The following SGMS1 variants were observed in gnomAD, a reference collection of about 807,000 sequenced individuals.
The protein encoded by SGMS1 is phosphatidylcholine:ceramide cholinephosphotransferase 1.
SGMS1 carries 13 observed loss-of-function variants against 46.2 expected under a neutral mutation model. The ratio of observed to expected loss-of-function variants is 0.28; its 90% CI spans 0.18 to 0.45. SGMS1 has a LOEUF of 0.45. Among genes scored for constraint, SGMS1 ranks in the 20% least tolerant of loss-of-function variants. The pLI, the probability that SGMS1 is intolerant of heterozygous loss-of-function variation, is 1.00. For missense variants in SGMS1, 324 were observed against 519.9 expected (o/e 0.62, Z 3.66); for synonymous variants, 203 against 187.8 (o/e 1.08, Z -0.66).
intron 1 of SGMS1, among the ~76,000 whole-genome samples, chr10:50,606,412 T>C (rs776346605): frequency 2.0e-5 from 3 of 152,172 alleles, no homozygotes; most frequent in African/African-American, 7.2e-5. Context: ...GCACAACAAT[T>C]TGAAGGTACT....
In SGMS1 at chr10:50,306,810, TG is replaced by T. The variant is rs1204681928; in HGVS notation, c.*331del. 1 of 189,576 alleles carries T rather than the reference TG, an allele frequency of 5.3e-6. No individual in the cohort carries two copies. Among genetic ancestry groups the T allele is most frequent in the Non-Finnish European group, 1.1e-5 (1 of 92,920 alleles). The allele number at this position is 189,576 out of a possible 1,614,324, so 11.7% of individuals were successfully genotyped here. Reference sequence around the variant, plus strand: ...AATACGCTTTATTTCCAGATGTGACTGGAAAGACCAGAACTTATGATATAAA... The same window carrying T: ...AATACGCTTTATTTCCAGATGTGACTGAAAGACCAGAACTTATGATATAAA... On this transcript the variant is annotated 3_prime_UTR_variant, in exon 11 of 11. Transcript: ENST00000361781.
intron 3 of SGMS1, among the ~76,000 whole-genome samples, chr10:50,467,748 C>T (rs1265391461): frequency 1.3e-5 from 2 of 152,160 alleles, no homozygotes; most frequent in Non-Finnish European, 2.9e-5. Flanking sequence ...CTAAGAATCC[C>T]TGTATCTGGA....
intron 1 of SGMS1, among the ~76,000 whole-genome samples, chr10:50,616,785 G>A (rs1023526601): frequency 6.6e-6 from 1 of 152,120 alleles, no homozygotes; most frequent in Non-Finnish European, 1.5e-5. Flanking sequence ...TCATGACAGA[G>A]AAAATTTGAA....
chr10:50,574,257 G>T (rs1838360779), intron 2 of SGMS1, among the ~76,000 whole-genome samples: 1 of 151,996 alleles, frequency 6.6e-6, no homozygotes, highest in African/African-American at 2.4e-5. Flanking sequence ...TCTGAAAAAA[G>T]ATTAACATCT....
chr10:50,407,576 T>C (rs1849032803), intron 6 of SGMS1, among the ~76,000 whole-genome samples: 1 of 152,148 alleles, frequency 6.6e-6, no homozygotes, highest in Non-Finnish European at 1.5e-5. Context: ...TGGTAATGAC[T>C]TCCTGCCATT....
intron 2 of SGMS1, among the ~76,000 whole-genome samples, chr10:50,523,338 A>G (rs930293000): frequency 5.9e-5 from 9 of 152,234 alleles, no homozygotes; most frequent in African/African-American, 1.7e-4. Flanking sequence ...AAAGATTTCA[A>G]AGAAACTCAC....
intron 2 of SGMS1, among the ~76,000 whole-genome samples, chr10:50,535,232 A>AAACAAC (rs56048855): frequency 4.7e-4 from 71 of 151,352 alleles, no homozygotes; most frequent in Admixed American, 1.9e-3. Flanking sequence ...GTCCATCTCA[A>AAACAAC]AACAACAACA....
intron 1 of SGMS1, among the ~76,000 whole-genome samples, chr10:50,603,548 A>C (rs1838667809): frequency 6.6e-6 from 1 of 152,202 alleles, no homozygotes; most frequent in African/African-American, 2.4e-5. Context: ...CACACACACA[A>C]AATCCAAGAA....
intron 2 of SGMS1, among the ~76,000 whole-genome samples, chr10:50,589,315 A>T (rs1838517369): frequency 6.6e-6 from 1 of 152,144 alleles, no homozygotes; most frequent in Non-Finnish European, 1.5e-5. Context: ...AGCCTGGAGT[A>T]CAGTGGCATA....
intron 2 of SGMS1, among the ~76,000 whole-genome samples, chr10:50,569,498 T>C (rs966207806): frequency 1.8e-4 from 27 of 152,124 alleles, no homozygotes; most frequent in African/African-American, 6.5e-4. Flanking sequence ...AGTTTCTTCC[T>C]TCAAAAATCT....
intron 2 of SGMS1, among the ~76,000 whole-genome samples, chr10:50,578,123 TG>T (rs1838401229): frequency 6.6e-6 from 1 of 152,362 alleles, no homozygotes; most frequent in Admixed American, 6.5e-5. Flanking sequence ...CTTCTAAAAC[TG>T]CTTAATTTTT....
intron 2 of SGMS1, among the ~76,000 whole-genome samples, chr10:50,583,111 C>T (rs1193886184): frequency 6.6e-6 from 1 of 152,132 alleles, no homozygotes. Flanking sequence ...ACCTTTATCC[C>T]CATTGCACAT....
chr10:50,359,004 A>C (rs1287036525), intron 6 of SGMS1, among the ~76,000 whole-genome samples: 1 of 152,170 alleles, frequency 6.6e-6, no homozygotes, highest in Admixed American at 6.5e-5. Flanking sequence ...TTAACCTTTA[A>C]ATTGTCCCTT....
At chr10:50,610,111 A>G (rs1437728852) in intron 1 of SGMS1, among the ~76,000 whole-genome samples, 1 of 152,148 alleles carries the variant, frequency 6.6e-6, no homozygotes, top group Non-Finnish European at 1.5e-5. Flanking sequence ...ACTAAGTCAA[A>G]TGGTCTTCCA....
chr10:50,384,099 A>G (rs770060252), intron 6 of SGMS1, among the ~76,000 whole-genome samples: 3 of 152,158 alleles, frequency 2.0e-5, no homozygotes, highest in Non-Finnish European at 4.4e-5. Flanking sequence ...TGGACTTTCT[A>G]GCCTCCAGAA....
At chr10:50,332,812 GA>G (rs1847650014) in intron 7 of SGMS1, among the ~76,000 whole-genome samples, 1 of 151,802 alleles carries the variant, frequency 6.6e-6, no homozygotes, top group Non-Finnish European at 1.5e-5. Flanking sequence ...TTTCTGTAAA[GA>G]CAGGGTCTTG....
At chr10:50,487,185 G>C (rs1157222899) in intron 3 of SGMS1, among the ~76,000 whole-genome samples, 1 of 152,140 alleles carries the variant, frequency 6.6e-6, no homozygotes, top group African/African-American at 2.4e-5. Flanking sequence ...GAGGGAGAGG[G>C]ACATGGTTGG....
intron 3 of SGMS1, among the ~76,000 whole-genome samples, chr10:50,481,975 A>G (rs1837481275): frequency 1.3e-5 from 2 of 152,184 alleles, no homozygotes; most frequent in African/African-American, 4.8e-5. Flanking sequence ...AAGATTAGAG[A>G]AGAATAAAAA....
intron 8 of SGMS1, among the ~76,000 whole-genome samples, chr10:50,313,910 C>T (rs1847298268): frequency 6.6e-6 from 1 of 152,052 alleles, no homozygotes; most frequent in African/African-American, 2.4e-5. Flanking sequence ...AAAATATCTT[C>T]CTATGTTTAT....
Sources: allele counts gnomAD v4.1 joint callset (sites outside exome capture counted in the v4.1 genomes callset), GRCh38; gene constraint gnomAD v4.1.1; transcripts MANE v1.5; gene names NCBI Gene and HGNC (gene_info 2026-07-23, HGNC 2026-07-21).